Variants in LRPPRC observed in about 807,000 individuals in gnomAD.
LRPPRC encodes leucine rich pentatricopeptide repeat containing.
A neutral mutation model predicts 180.3 loss-of-function variants in LRPPRC; 120 were observed. The ratio of observed to expected loss-of-function variants is 0.67; its 90% CI spans 0.57 to 0.77. The LOEUF is 0.77. Ranked by LOEUF, LRPPRC falls within the 30% of genes least tolerant of loss-of-function variation. The pLI is 0.00. For synonymous variants in LRPPRC, 723 were observed against 600.0 expected (o/e 1.21, Z -3.00); for missense variants, 2,012 against 1,657.2 (o/e 1.21, Z -3.72).
chr2:43,920,078 TTA>T (rs547236571), intron 27 of LRPPRC, among the ~76,000 whole-genome samples: 2,160 of 69,558 alleles, frequency 0.031, 40 homozygotes, highest in East Asian at 0.29. Flanking sequence ...AATCAGCAAT[TTA>T]AAAAAAAAAA....
intron 29 of LRPPRC, among the ~76,000 whole-genome samples, chr2:43,915,908 G>A (rs1030317535): frequency 2.6e-5 from 4 of 152,052 alleles, no homozygotes; most frequent in African/African-American, 9.7e-5. Flanking sequence ...TGGGACTATA[G>A]TCCTGTGCCA....
intron 37 of LRPPRC, among the ~76,000 whole-genome samples, chr2:43,889,076 G>T (rs1670380464): frequency 6.6e-6 from 1 of 152,110 alleles, no homozygotes; most frequent in African/African-American, 2.4e-5. Context: ...CGGCACTTTG[G>T]GAGGCCGAGG....
chr2:43,934,358 A>G, intron 24 of LRPPRC, 62 bp from the exon 25 acceptor site: 1 of 771,668 alleles, frequency 1.3e-6, no homozygotes, highest in Non-Finnish European at 2.2e-6. Context: ...AAACAGTATC[A>G]TATGAAGTTC....
chr2:43,899,565 G>A lies in LRPPRC; in HGVS notation c.3610C>T (p.Leu1204Phe). The change falls in exon 33 of 38, where the codon CTT (leucine) becomes TTT (phenylalanine). Residue 1204 changes from leucine to phenylalanine, a missense_variant. Physicochemically the swap from Leu to Phe is conservative, Grantham distance 22. Coordinates refer to ENST00000260665, the MANE Select transcript of LRPPRC (RefSeq NM_133259.4). The stretch of plus-strand genomic sequence containing the variant: ...TCAATGACTTTATTCTCTGAAGTAA[G>A]CATATTTTCAATGTTTTCTATTGCG... ...DAAIENIENM[L>F]TSENKVIEPQ... 1 of 1,609,498 alleles carries A rather than the reference G, an allele frequency of 6.2e-7. No homozygotes were observed. Among genetic ancestry groups the A allele is most frequent in the African/African-American group, 1.3e-5 (1 of 74,962 alleles).
Position 43,888,201 on chromosome 2 carries a change from C to T in LRPPRC, c.*399G>A, listed in dbSNP as rs149268737. 1,128 of 241,852 alleles carry T rather than the reference C, an allele frequency of 4.7e-3. 8 individuals are homozygous for T. Among genetic ancestry groups the T allele is most frequent in the Non-Finnish European group, 7.2e-3 (886 of 123,686 alleles). The allele number at this position is 241,852 out of a possible 1,614,324, so 15.0% of individuals were successfully genotyped here. A position where few individuals can be genotyped will look rare whatever the true frequency, so the allele number is the denominator to read the frequency against. Reference sequence around the variant, plus strand: ...AATGGCTGTATCACAGAATATTATGCGTTAGAAAGTTCACGGTCACTATAC... The same window carrying T: ...AATGGCTGTATCACAGAATATTATGTGTTAGAAAGTTCACGGTCACTATAC... On this transcript the variant is annotated 3_prime_UTR_variant, in exon 38 of 38. Transcript: ENST00000260665.
intron 23 of LRPPRC, among the ~76,000 whole-genome samples, chr2:43,941,182 A>T (rs1187701204): frequency 6.6e-6 from 1 of 152,176 alleles, no homozygotes; most frequent in African/African-American, 2.4e-5. Flanking sequence ...AAATAACACA[A>T]ACTGACACAG....
chr2:43,920,168 C>A (rs1488026208), intron 27 of LRPPRC, among the ~76,000 whole-genome samples: 4 of 151,124 alleles, frequency 2.6e-5, no homozygotes, highest in African/African-American at 9.7e-5. Context: ...TGGAGTCTTG[C>A]TCTGTTGCCC....
intron 30 of LRPPRC, among the ~76,000 whole-genome samples, chr2:43,906,529 CTGTT>C (rs1207842080): frequency 6.6e-6 from 1 of 152,196 alleles, no homozygotes; most frequent in Admixed American, 6.5e-5. Context: ...GTTTGCTACA[CTGTT>C]TGCGCATCTC....
At chr2:43,960,772 T>C in intron 12 of LRPPRC, 138 bp from the exon 13 acceptor site, 4 of 674,336 alleles carry the variant, frequency 5.9e-6, no homozygotes, top group Non-Finnish European at 1.1e-5. Context: ...AGTAATTGAA[T>C]TTTAGCAAAA....
At chr2:43,929,857 C>CAG (rs1170544733) in intron 25 of LRPPRC, among the ~76,000 whole-genome samples, 1 of 151,934 alleles carries the variant, frequency 6.6e-6, no homozygotes, top group Non-Finnish European at 1.5e-5. Flanking sequence ...TCCACTTGAC[C>CAG]AGGTGTTATA....
intron 1 of LRPPRC, 108 bp from the exon 2 acceptor site, chr2:43,982,542 C>T: frequency 1.3e-6 from 1 of 786,760 alleles, no homozygotes; most frequent in Non-Finnish European, 2.1e-6. Context: ...CCTAAAATCA[C>T]AGTACAATAC....
intron 22 of LRPPRC, among the ~76,000 whole-genome samples, chr2:43,944,521 G>A (rs549372653): frequency 5.9e-4 from 90 of 152,142 alleles, no homozygotes; most frequent in Non-Finnish European, 9.7e-4. Flanking sequence ...TTTACAAAAA[G>A]TGATTTTAAA....
intron 24 of LRPPRC, 144 bp downstream of exon 24, chr2:43,934,610 A>G (rs944316338): frequency 1.5e-6 from 1 of 667,054 alleles, no homozygotes; most frequent in Non-Finnish European, 2.6e-6. Flanking sequence ...AATCTACCTG[A>G]TATTTTTCTT....
intron 1 of LRPPRC, 71 bp downstream of exon 1, chr2:43,995,728 C>T: frequency 7.6e-7 from 1 of 1,312,388 alleles, no homozygotes. Context: ...GGACCCGGTC[C>T]CTGCCGGCAC....
At chr2:43,985,014 T>C (rs764826358) in intron 1 of LRPPRC, among the ~76,000 whole-genome samples, 3 of 152,038 alleles carry the variant, frequency 2.0e-5, no homozygotes, top group Non-Finnish European at 2.9e-5. Flanking sequence ...GTGGGTTTTT[T>C]TTTAACTCTT....
rs1371208265 is a variant in LRPPRC, at chr2:43,912,417, T to C, written c.3275+15A>G. The C allele has an allele frequency of 1.2e-6, 2 of 1,606,770 alleles. No individual in the cohort carries two copies. The highest frequency in any genetic ancestry group is 4.5e-5 in the East Asian group (2 of 44,684). On this transcript the variant is annotated intron_variant, in intron 30 of 37. Coordinates refer to ENST00000260665, the MANE Select transcript of LRPPRC (RefSeq NM_133259.4). ...TTTTTTAAACAAGAGGTTTAATAAA[T>C]GGACTAACACTTACAATGCTTTCAC...
chr2:43,970,014 T>C (rs1242945434), intron 11 of LRPPRC, among the ~76,000 whole-genome samples: 1 of 152,166 alleles, frequency 6.6e-6, no homozygotes, highest in Non-Finnish European at 1.5e-5. Context: ...ACTTAATTTT[T>C]TTCAGCTGTA....
chr2:43,905,653 G>T, intron 31 of LRPPRC, 39 bp downstream of exon 31: 1 of 1,397,084 alleles, frequency 7.2e-7, no homozygotes, highest in Non-Finnish European at 1.0e-6. Flanking sequence ...AATCTGCAGA[G>T]GCATTAATGT....
intron 11 of LRPPRC, among the ~76,000 whole-genome samples, chr2:43,967,894 C>G (rs1434777968): frequency 6.6e-6 from 1 of 152,100 alleles, no homozygotes; most frequent in Admixed American, 6.5e-5. Context: ...GATGGCAAAT[C>G]CCACTGTGCT....
Sources: gnomAD v4.1 joint callset for allele counts (sites outside exome capture counted in the v4.1 genomes callset) on GRCh38, gnomAD v4.1.1 for gene constraint, MANE v1.5 for transcripts, NCBI Gene and HGNC (gene_info 2026-07-23, HGNC 2026-07-21) for gene names.